Variants in DTL observed in about 807,000 individuals in gnomAD.
DTL encodes the protein denticleless protein homolog.
DTL carries 46 observed loss-of-function variants against 87.0 expected under a neutral mutation model. That is an observed-to-expected ratio of 0.53 (90% CI 0.42 to 0.68). The LOEUF is 0.68. Ranked by LOEUF, DTL falls within the 30% of genes least tolerant of loss-of-function variation. The pLI, the probability that DTL is intolerant of heterozygous loss-of-function variation, is 0.00. For missense variants in DTL, 737 were observed against 869.4 expected (o/e 0.85, Z 1.91); for synonymous variants, 308 against 311.2 (o/e 0.99, Z 0.11).
chr1:212,046,065 T>G (rs1667800822), intron 3 of DTL, among the ~76,000 whole-genome samples: 1 of 152,094 alleles, frequency 6.6e-6, no homozygotes, highest in Non-Finnish European at 1.5e-5. Flanking sequence ...TGTTAGCCAC[T>G]GTGCCCAGCC....
At chr1:212,066,228 TAAAACTA>T (rs1234670144) in intron 7 of DTL, among the ~76,000 whole-genome samples, 2 of 152,060 alleles carry the variant, frequency 1.3e-5, no homozygotes, top group East Asian at 3.8e-4. Context: ...CATTAAGACT[TAAAACTA>T]TACACCGTGA....
intron 6 of DTL, among the ~76,000 whole-genome samples, chr1:212,063,296 A>T (rs183791280): frequency 0.024 from 3,372 of 142,808 alleles, 39 homozygotes; most frequent in African/African-American, 0.029. Flanking sequence ...TATTATTATT[A>T]TTTTTTTTTT....
chr1:212,100,339 G>A lies in DTL; in HGVS notation c.1349G>A (p.Cys450Tyr), dbSNP rs1305866988. 3 of 1,613,746 alleles carry A rather than the reference G, an allele frequency of 1.9e-6. No individual in the cohort carries two copies. The highest frequency in any genetic ancestry group is 2.2e-5 in the East Asian group (1 of 44,852). The change falls in exon 14 of 15, where the codon TGT becomes TAT. Residue 450 changes from cysteine (C) to tyrosine (Y), a missense_variant. Transcript: ENST00000366991. The stretch of plus-strand genomic sequence containing the variant: ...AATTCTTCCCCGTCATCCGCAGCTT[G>A]TGCCCCAAGCTGTGCTGGAGACCTC... The part of the protein sequence containing the change: ...PSNSSPSSAA[C>Y]APSCAGDLPL...
At chr1:212,039,875 A>G (rs1667586207) in intron 1 of DTL, among the ~76,000 whole-genome samples, 1 of 152,216 alleles carries the variant, frequency 6.6e-6, no homozygotes, top group Non-Finnish European at 1.5e-5. Flanking sequence ...GGGAGCTTGC[A>G]GGACTGGGGG....
chr1:212,080,633 G>A lies in DTL; in HGVS notation c.1144G>A (p.Asp382Asn). ...DFTKIATCSD[D>N]NTLKIWRLNR... Reference sequence around the variant, plus strand: ...CTCTTAGATTGCTACCTGTTCTGATGACAATACACTAAAAATCTGGCGCTT... The same window carrying A: ...CTCTTAGATTGCTACCTGTTCTGATAACAATACACTAAAAATCTGGCGCTT... Residue 382 changes from aspartate to asparagine, a missense_variant, in exon 13 of 15, where the codon GAC becomes AAC. By Grantham distance (23) the Asp-to-Asn change is conservative. Transcript: ENST00000366991. 6.2e-7 allele frequency: 1 copy of A among 1,613,312 alleles called. No individual in the cohort carries two copies. The highest frequency in any genetic ancestry group is 1.1e-5 in the South Asian group (1 of 91,036).
At chr1:212,050,954 A>C (rs997590866) in intron 5 of DTL, among the ~76,000 whole-genome samples, 11 of 152,052 alleles carry the variant, frequency 7.2e-5, no homozygotes, top group Non-Finnish European at 1.5e-4. Flanking sequence ...CTTTTATAGA[A>C]TTTCAATAAA....
chr1:212,101,160 G>GC lies in DTL; in HGVS notation c.2094+77dup, dbSNP rs1162981662. ...ACACCCAGATGTCTCAAGTCAGGAT[G>GC]CTTTTTTTTTTTTTTAAAGAAAGAA... On this transcript the variant is annotated intron_variant, in intron 14 of 14. Coordinates refer to ENST00000366991, the MANE Select transcript of DTL (RefSeq NM_016448.4). The GC allele has an allele frequency of 6.7e-6, 5 of 748,402 alleles. No homozygotes were observed. The East Asian group carries it at 1.8e-4, about 27-fold the overall frequency. The allele number at this position is 748,402 out of a possible 1,614,324, so 46.4% of individuals were successfully genotyped here. A position where few individuals can be genotyped will look rare whatever the true frequency, so the allele number is the denominator to read the frequency against.
chr1:212,042,290 ACC>A (rs1667676451), intron 1 of DTL, among the ~76,000 whole-genome samples: 1 of 152,150 alleles, frequency 6.6e-6, no homozygotes, highest in Non-Finnish European at 1.5e-5. Context: ...CTTTTCTTCT[ACC>A]CTGAGTCTCT....
intron 13 of DTL, among the ~76,000 whole-genome samples, chr1:212,093,527 C>T (rs538282469): frequency 6.6e-6 from 1 of 152,324 alleles, no homozygotes; most frequent in Admixed American, 6.5e-5. Context: ...AAATGGCTTT[C>T]CCCTGGAGTT....
In DTL at chr1:212,066,863, G is replaced by C. The variant is rs747076337; in HGVS notation, c.691G>C (p.Val231Leu). 1.9e-6 allele frequency: 3 copies of C among 1,613,952 alleles called. No homozygotes were observed. The highest frequency in any genetic ancestry group is 1.7e-5 in the Admixed American group (1 of 60,016). The stretch of plus-strand genomic sequence containing the variant: ...CCTCTTTCAAGACGAGAATACCTTA[G>C]TCTCAGCAGGAGCTGTGGATGGGTA... ...VVLFQDENTLVSAGAVDGIIK... is the reference protein window; with the variant it reads ...VVLFQDENTLLSAGAVDGIIK... The change falls in exon 8 of 15, where the codon GTC becomes CTC. Residue 231 changes from valine (V) to leucine (L), a missense_variant. Transcript: ENST00000366991.
At chr1:212,040,152 T>C (rs982248788) in intron 1 of DTL, among the ~76,000 whole-genome samples, 1 of 152,200 alleles carries the variant, frequency 6.6e-6, no homozygotes, top group Admixed American at 6.5e-5. Flanking sequence ...TTTCTTCATA[T>C]TCTTATTCTA....
intron 1 of DTL, among the ~76,000 whole-genome samples, chr1:212,037,132 A>G (rs1667498837): frequency 6.6e-6 from 1 of 152,188 alleles, no homozygotes; most frequent in South Asian, 2.1e-4. Context: ...TTTGAAGTTA[A>G]ACTGCCTGGG....
chr1:212,052,905 G>A (rs1005017922), intron 5 of DTL, among the ~76,000 whole-genome samples: 9 of 151,880 alleles, frequency 5.9e-5, no homozygotes, highest in African/African-American at 4.8e-5. Context: ...TCACTAAGTC[G>A]TGCAGCTATC....
At chr1:212,040,500 G>A (rs1667605675) in intron 1 of DTL, among the ~76,000 whole-genome samples, 1 of 152,194 alleles carries the variant, frequency 6.6e-6, no homozygotes, top group Admixed American at 6.5e-5. Flanking sequence ...ACGATATTCT[G>A]TAATAAAAGT....
At chr1:212,077,127 G>A (rs1362558820) in intron 11 of DTL, among the ~76,000 whole-genome samples, 2 of 152,068 alleles carry the variant, frequency 1.3e-5, no homozygotes, top group Admixed American at 1.3e-4. Context: ...TCATACAAAT[G>A]AGCCATGATT....
At chr1:212,092,403 G>A (rs1442049422) in intron 13 of DTL, among the ~76,000 whole-genome samples, 1 of 152,124 alleles carries the variant, frequency 6.6e-6, no homozygotes, top group Non-Finnish European at 1.5e-5. Flanking sequence ...GGTGGTGCAT[G>A]CCTGTAGTCC....
At chr1:212,065,846 C>T (rs1654477614) in intron 7 of DTL, among the ~76,000 whole-genome samples, 1 of 152,122 alleles carries the variant, frequency 6.6e-6, no homozygotes, top group Non-Finnish European at 1.5e-5. Flanking sequence ...GCTGGGACTA[C>T]AGGTGCCCAC....
At chr1:212,083,463 T>A (rs978112232) in intron 13 of DTL, among the ~76,000 whole-genome samples, 2 of 152,098 alleles carry the variant, frequency 1.3e-5, no homozygotes, top group Admixed American at 1.3e-4. Flanking sequence ...AGCAGTGGAT[T>A]GAGGATAAAA....
At chr1:212,048,300 TC>T (rs1667865384) in intron 5 of DTL, among the ~76,000 whole-genome samples, 7 of 152,152 alleles carry the variant, frequency 4.6e-5, no homozygotes, top group African/African-American at 1.7e-4. Flanking sequence ...AGCAATCCTC[TC>T]CCTCAGCGTC....
Sources: gnomAD v4.1 joint callset for allele counts (sites outside exome capture counted in the v4.1 genomes callset) on GRCh38, gnomAD v4.1.1 for gene constraint, MANE v1.5 for transcripts, NCBI Gene and HGNC (gene_info 2026-07-23, HGNC 2026-07-21) for gene names.